The following CMSS1 variants were observed in gnomAD, a reference collection of about 807,000 sequenced individuals.
The protein encoded by CMSS1 is protein CMSS1.
In CMSS1, 33 loss-of-function variants were observed where a neutral mutation model predicts 43.5. The ratio of observed to expected loss-of-function variants is 0.76; its 90% CI spans 0.57 to 1.01. CMSS1 has a LOEUF of 1.01. Among genes scored for constraint, CMSS1 ranks in the 50% least tolerant of loss-of-function variants. CMSS1 has a pLI of 0.00. For synonymous variants in CMSS1, 115 were observed against 117.2 expected (o/e 0.98, Z 0.12); for missense variants, 313 against 326.4 (o/e 0.96, Z 0.32).
intron 1 of CMSS1, among the ~76,000 whole-genome samples, chr3:100,111,045 T>C (rs1215246223): frequency 6.6e-6 from 1 of 152,188 alleles, no homozygotes; most frequent in East Asian, 1.9e-4. Flanking sequence ...AGGAGTCAAT[T>C]CAGAGCTTTA....
intron 1 of CMSS1, among the ~76,000 whole-genome samples, chr3:100,124,797 T>C (rs1426640986): frequency 6.6e-6 from 1 of 152,158 alleles, no homozygotes; most frequent in African/African-American, 2.4e-5. Flanking sequence ...TGCTGTCTAG[T>C]AGCAGCAGCA....
At chr3:99,889,367 T>A (rs147196753) in intron 1 of CMSS1, among the ~76,000 whole-genome samples, 89 of 152,226 alleles carry the variant, frequency 5.8e-4, no homozygotes, top group Admixed American at 1.9e-3. Context: ...TAAGTTCATT[T>A]TGTTTGATAT....
chr3:100,049,967 C>A (rs1035163884), intron 1 of CMSS1, among the ~76,000 whole-genome samples: 1 of 152,124 alleles, frequency 6.6e-6, no homozygotes, highest in Admixed American at 6.6e-5. Flanking sequence ...ACCCTAACTT[C>A]TGAGTTGTTC....
chr3:99,961,333 C>T (rs771645742), intron 1 of CMSS1, among the ~76,000 whole-genome samples: 2 of 152,030 alleles, frequency 1.3e-5, no homozygotes, highest in East Asian at 3.9e-4. Flanking sequence ...TTTTTAACCC[C>T]AATACTCCAT....
At chr3:100,001,032 T>C (rs1436111725) in intron 1 of CMSS1, among the ~76,000 whole-genome samples, 1 of 152,184 alleles carries the variant, frequency 6.6e-6, no homozygotes, top group Non-Finnish European at 1.5e-5. Context: ...CTTTGAATTG[T>C]TCTATATTTC....
chr3:100,024,378 A>G (rs1222369406), intron 1 of CMSS1, among the ~76,000 whole-genome samples: 3 of 152,148 alleles, frequency 2.0e-5, no homozygotes, highest in Non-Finnish European at 4.4e-5. Flanking sequence ...TTTGGCCCCT[A>G]TAGAGCAGAC....
intron 1 of CMSS1, among the ~76,000 whole-genome samples, chr3:100,117,854 CATATATAT>C (rs58609128): frequency 4.4e-5 from 4 of 90,748 alleles, no homozygotes; most frequent in Non-Finnish European, 8.2e-5. Flanking sequence ...TATATATATA[CATATATAT>C]ATATATATAT....
intron 1 of CMSS1, among the ~76,000 whole-genome samples, chr3:99,974,678 G>T (rs1453391990): frequency 6.6e-6 from 1 of 152,100 alleles, no homozygotes; most frequent in Admixed American, 6.5e-5. Context: ...TTGCACTCCA[G>T]CCTGAGTAAC....
At chr3:99,899,685 C>T (rs1706373107) in intron 1 of CMSS1, among the ~76,000 whole-genome samples, 1 of 152,102 alleles carries the variant, frequency 6.6e-6, no homozygotes, top group Non-Finnish European at 1.5e-5. Context: ...TTTGGACTCC[C>T]ACCTCCTTGA....
At chr3:99,882,702 G>A (rs1360145339) in intron 1 of CMSS1, among the ~76,000 whole-genome samples, 1 of 151,960 alleles carries the variant, frequency 6.6e-6, no homozygotes, top group Non-Finnish European at 1.5e-5. Flanking sequence ...GTTTCTTTTG[G>A]GAAACATGAA....
intron 1 of CMSS1, chr3:99,876,283 C>G (rs1176416156): frequency 3.3e-6 from 3 of 908,162 alleles, no homozygotes; most frequent in Non-Finnish European, 4.0e-6. Context: ...ACCGCGGGAC[C>G]CTCGGCCGCG....
At chr3:100,092,168 A>G (rs941539204) in intron 1 of CMSS1, among the ~76,000 whole-genome samples, 1 of 152,238 alleles carries the variant, frequency 6.6e-6, no homozygotes, top group African/African-American at 2.4e-5. Flanking sequence ...ACTTTTTATC[A>G]TGGCTTTCAA....
intron 1 of CMSS1, among the ~76,000 whole-genome samples, chr3:99,865,508 C>T (rs1944468714): frequency 6.6e-6 from 1 of 152,148 alleles, no homozygotes; most frequent in African/African-American, 2.4e-5. Context: ...GATCTTGAGA[C>T]ATTAGCAAAT....
intron 2 of CMSS1, chr3:100,159,852 T>TA (rs1295867724): frequency 4.4e-6 from 2 of 456,336 alleles, no homozygotes; most frequent in African/African-American, 4.0e-5. Context: ...ATCAGACTAG[T>TA]AGCAAAGACA....
At chr3:99,983,020 G>C (rs898444406) in intron 1 of CMSS1, among the ~76,000 whole-genome samples, 1 of 152,000 alleles carries the variant, frequency 6.6e-6, no homozygotes, top group African/African-American at 2.4e-5. Context: ...TACCCACTGT[G>C]TGAATATGAG....
intron 1 of CMSS1, among the ~76,000 whole-genome samples, chr3:99,990,429 A>G (rs1709478023): frequency 6.6e-6 from 1 of 152,214 alleles, no homozygotes; most frequent in Non-Finnish European, 1.5e-5. Flanking sequence ...TGCTGAGGAC[A>G]TAACAAAGTG....
chr3:100,091,146 A>G (rs546554204), intron 1 of CMSS1, among the ~76,000 whole-genome samples: 13,840 of 150,938 alleles, frequency 0.092, 766 homozygotes, highest in African/African-American at 0.14. Flanking sequence ...TTAGCTGGGC[A>G]TGGTGGCGGG....
intron 1 of CMSS1, among the ~76,000 whole-genome samples, chr3:100,105,628 A>C (rs899142823): frequency 2.0e-5 from 3 of 152,158 alleles, no homozygotes; most frequent in Non-Finnish European, 1.5e-5. Context: ...TGACATTCTG[A>C]GTTAATAGGC....
chr3:99,974,686 A>C (rs1708918975), intron 1 of CMSS1, among the ~76,000 whole-genome samples: 3 of 152,310 alleles, frequency 2.0e-5, no homozygotes, highest in African/African-American at 7.2e-5. Context: ...CAGCCTGAGT[A>C]ACAAGAGCGA....
Sources: gnomAD v4.1 joint callset for allele counts (sites outside exome capture counted in the v4.1 genomes callset) on GRCh38, gnomAD v4.1.1 for gene constraint, MANE v1.5 for transcripts, NCBI Gene and HGNC (gene_info 2026-07-23, HGNC 2026-07-21) for gene names.